The following CSMD1 variants were observed in gnomAD, a reference collection of about 807,000 sequenced individuals.
The protein encoded by CSMD1 is CUB and sushi domain-containing protein 1.
Under a neutral mutation model 417.5 loss-of-function variants are expected in CSMD1, and 213 were observed. The observed-to-expected ratio is 0.51, with a 90% CI of 0.46 to 0.57. CSMD1 has a LOEUF of 0.57. Among genes scored for constraint, CSMD1 ranks in the 20% least tolerant of loss-of-function variants. CSMD1 has a pLI of 0.00. For synonymous variants in CSMD1, 2,862 were observed against 1,736.8 expected, an observed-to-expected ratio of 1.65 and a Z score of -16.11; for missense variants, 6,923 against 4,529.7, an observed-to-expected ratio of 1.53 and a Z score of -15.17.
At chr8:4,245,078 C>A (rs1258571815) in intron 3 of CSMD1, among the ~76,000 whole-genome samples, 3 of 152,112 alleles carry the variant, frequency 2.0e-5, no homozygotes, top group African/African-American at 7.2e-5. Context: ...TTTTGCCAAC[C>A]TGTCTGGAAT....
chr8:4,547,723 T>C (rs553541109), intron 2 of CSMD1, among the ~76,000 whole-genome samples: 1 of 152,240 alleles, frequency 6.6e-6, no homozygotes, highest in Non-Finnish European at 1.5e-5. Flanking sequence ...GTAGAAGCTA[T>C]AAGCAGATGA....
intron 7 of CSMD1, among the ~76,000 whole-genome samples, chr8:3,707,490 C>T (rs1302919344): frequency 6.6e-6 from 1 of 152,156 alleles, no homozygotes; most frequent in East Asian, 1.9e-4. Flanking sequence ...GTAGAAAGTC[C>T]TAGAAGAAGC....
intron 68 of CSMD1, among the ~76,000 whole-genome samples, chr8:2,945,108 G>T (rs1802133188): frequency 6.6e-6 from 1 of 152,044 alleles, no homozygotes; most frequent in African/African-American, 2.4e-5. Context: ...TAATTAAAAT[G>T]GCATAAAGGG....
chr8:4,712,523 A>G (rs372620465), intron 1 of CSMD1, among the ~76,000 whole-genome samples: 2 of 152,202 alleles, frequency 1.3e-5, no homozygotes, highest in Admixed American at 6.5e-5. Context: ...TATTTTCCTT[A>G]TCCCTTTATC....
intron 50 of CSMD1, among the ~76,000 whole-genome samples, chr8:3,031,911 G>A (rs373212899): frequency 2.0e-5 from 3 of 148,808 alleles, no homozygotes; most frequent in Non-Finnish European, 3.0e-5. Flanking sequence ...TGTAAACACT[G>A]TCTTTTTACA....
At chr8:3,653,795 C>G (rs941271891) in intron 7 of CSMD1, among the ~76,000 whole-genome samples, 1 of 152,182 alleles carries the variant, frequency 6.6e-6, no homozygotes, top group South Asian at 2.1e-4. Flanking sequence ...TAACTCGTGA[C>G]ACAAGTTTAA....
chr8:3,963,508 A>C (rs1342305567), intron 5 of CSMD1, among the ~76,000 whole-genome samples: 1 of 152,208 alleles, frequency 6.6e-6, no homozygotes, highest in African/African-American at 2.4e-5. Flanking sequence ...TGGGGTGTAC[A>C]TTTTAAAATT....
intron 3 of CSMD1, among the ~76,000 whole-genome samples, chr8:4,388,224 G>C (rs530461589): frequency 1.3e-5 from 2 of 151,976 alleles, no homozygotes; most frequent in South Asian, 4.2e-4. Flanking sequence ...GCACATGCGT[G>C]TTTACAGTGG....
intron 3 of CSMD1, among the ~76,000 whole-genome samples, chr8:4,316,513 T>C (rs781607479): frequency 1.3e-5 from 2 of 152,148 alleles, no homozygotes; most frequent in Non-Finnish European, 2.9e-5. Flanking sequence ...CAAATAGAAC[T>C]ATTATTCCAT....
chr8:3,444,217 G>C (rs574712405), intron 12 of CSMD1, among the ~76,000 whole-genome samples: 2 of 152,212 alleles, frequency 1.3e-5, no homozygotes, highest in African/African-American at 4.8e-5. Context: ...AGAATCACTG[G>C]GCTGGATGAC....
At chr8:3,824,170 C>G (rs1801908856) in intron 5 of CSMD1, among the ~76,000 whole-genome samples, 1 of 151,732 alleles carries the variant, frequency 6.6e-6, no homozygotes, top group Non-Finnish European at 1.5e-5. Context: ...ATGGAAATAT[C>G]TATAGCTTTG....
intron 3 of CSMD1, among the ~76,000 whole-genome samples, chr8:4,157,075 C>T (rs182444653): frequency 1.2e-4 from 19 of 152,212 alleles, no homozygotes; most frequent in Admixed American, 4.6e-4. Flanking sequence ...GGGATGGACC[C>T]GCCATGGCCA....
chr8:4,199,159 G>C (rs528169946), intron 3 of CSMD1, among the ~76,000 whole-genome samples: 2 of 152,118 alleles, frequency 1.3e-5, no homozygotes, highest in African/African-American at 4.8e-5. Context: ...AACGTATCCA[G>C]CACAGCACTG....
chr8:3,120,785 TGCA>T (rs1248051043), intron 41 of CSMD1, among the ~76,000 whole-genome samples: 1 of 152,050 alleles, frequency 6.6e-6, no homozygotes, highest in African/African-American at 2.4e-5. Flanking sequence ...AGCAGAAGGT[TGCA>T]GTGAGCCGAG....
At chr8:4,023,495 G>C (rs1398252692) in intron 4 of CSMD1, among the ~76,000 whole-genome samples, 1 of 152,062 alleles carries the variant, frequency 6.6e-6, no homozygotes, top group Non-Finnish European at 1.5e-5. Context: ...AATCACAGAA[G>C]AGGAAGTCTA....
intron 2 of CSMD1, among the ~76,000 whole-genome samples, chr8:4,548,501 G>C (rs1346364378): frequency 6.6e-6 from 1 of 152,046 alleles, no homozygotes; most frequent in Non-Finnish European, 1.5e-5. Flanking sequence ...CCCTCAGAAT[G>C]AAAATGCCAT....
chr8:3,911,772 G>A (rs955288523), intron 5 of CSMD1, among the ~76,000 whole-genome samples: 2 of 151,992 alleles, frequency 1.3e-5, no homozygotes, highest in Admixed American at 6.6e-5. Flanking sequence ...CATCTCACCA[G>A]CCTCATTTCT....
chr8:3,100,928 C>A (rs893211140), intron 46 of CSMD1, among the ~76,000 whole-genome samples: 1 of 152,070 alleles, frequency 6.6e-6, no homozygotes, highest in Non-Finnish European at 1.5e-5. Flanking sequence ...CTGCTATTAT[C>A]CAGCACATAT....
intron 5 of CSMD1, among the ~76,000 whole-genome samples, chr8:3,947,973 A>G (rs1811350493): frequency 6.6e-6 from 1 of 152,218 alleles, no homozygotes; most frequent in Non-Finnish European, 1.5e-5. Context: ...TGGGAGGCCA[A>G]GGCAGGTGGA....
Sources: gnomAD v4.1 joint callset for allele counts (sites outside exome capture counted in the v4.1 genomes callset) on GRCh38, gnomAD v4.1.1 for gene constraint, MANE v1.5 for transcripts, NCBI Gene and HGNC (gene_info 2026-07-23, HGNC 2026-07-21) for gene names.